MRPS9: variants seen among roughly 807,000 people sequenced by gnomAD.
MRPS9 encodes the protein small ribosomal subunit protein uS9m.
In MRPS9, 45 loss-of-function variants were observed where a neutral mutation model predicts 59.9. The observed-to-expected ratio is 0.75, with a 90% confidence interval of 0.59 to 0.96. The LOEUF (loss-of-function observed/expected upper bound fraction) is 0.96. Ranked by LOEUF, MRPS9 falls within the 40% of genes least tolerant of loss-of-function variation. MRPS9 has a pLI of 0.00. For synonymous variants in MRPS9, 171 were observed against 166.8 expected (o/e 1.03, Z -0.19); for missense variants, 473 against 481.1 (o/e 0.98, Z 0.16).
intron 1 of MRPS9, among the ~76,000 whole-genome samples, chr2:105,044,481 T>C (rs1386164395): frequency 2.6e-5 from 4 of 152,240 alleles, no homozygotes; most frequent in Admixed American, 6.5e-5. Flanking sequence ...ATATTATAAA[T>C]TTCCAGAATG....
intron 2 of MRPS9, among the ~76,000 whole-genome samples, chr2:105,057,873 G>A (rs752883482): frequency 8.5e-5 from 13 of 152,058 alleles, no homozygotes; most frequent in Non-Finnish European, 1.3e-4. Context: ...TTGCACTTGC[G>A]TTTACTAATG....
chr2:105,081,815 T>G (rs961067852), intron 5 of MRPS9, among the ~76,000 whole-genome samples: 1 of 152,242 alleles, frequency 6.6e-6, no homozygotes, highest in Non-Finnish European at 1.5e-5. Context: ...TATATTTTAG[T>G]TCAATGCAGT....
intron 2 of MRPS9, among the ~76,000 whole-genome samples, chr2:105,057,058 A>C (rs1179272063): frequency 6.6e-6 from 1 of 152,198 alleles, no homozygotes; most frequent in Non-Finnish European, 1.5e-5. Context: ...ATTATAACTA[A>C]AAAGGAATTA....
At chr2:105,045,694 A>C (rs1160819214) in intron 1 of MRPS9, among the ~76,000 whole-genome samples, 1 of 149,402 alleles carries the variant, frequency 6.7e-6, no homozygotes, top group Non-Finnish European at 1.5e-5. Context: ...TCTGGAACTA[A>C]ATAGCACATT....
At chr2:105,093,869 A>G (rs913439968) in intron 9 of MRPS9, among the ~76,000 whole-genome samples, 6 of 152,146 alleles carry the variant, frequency 3.9e-5, no homozygotes, top group African/African-American at 1.4e-4. Context: ...TCCCCTTTTC[A>G]TCAGATCCTA....
intron 1 of MRPS9, among the ~76,000 whole-genome samples, chr2:105,045,597 C>T (rs1679578061): frequency 6.6e-6 from 1 of 151,930 alleles, no homozygotes; most frequent in African/African-American, 2.4e-5. Context: ...AATATTATGA[C>T]CCAACAGAAT....
At chr2:105,062,307 A>G (rs1679921718) in intron 2 of MRPS9, among the ~76,000 whole-genome samples, 1 of 152,246 alleles carries the variant, frequency 6.6e-6, no homozygotes, top group South Asian at 2.1e-4. Context: ...AAGTTAGGCT[A>G]TCATGCTTAG....
chr2:105,087,848 C>T (rs1033343039), intron 5 of MRPS9, among the ~76,000 whole-genome samples: 2 of 145,948 alleles, frequency 1.4e-5, no homozygotes, highest in African/African-American at 2.5e-5. Context: ...TTCCTCAAAA[C>T]AGGTTGCAGA....
intron 1 of MRPS9, among the ~76,000 whole-genome samples, chr2:105,041,940 G>T (rs1385534827): frequency 6.6e-6 from 1 of 152,070 alleles, no homozygotes; most frequent in Admixed American, 6.5e-5. Context: ...TATATAATAA[G>T]AGCTTGATAA....
intron 10 of MRPS9, 105 bp from the exon 11 acceptor site, chr2:105,099,565 A>T (rs1680745696): frequency 9.8e-7 from 1 of 1,020,598 alleles, no homozygotes; most frequent in African/African-American, 1.6e-5. Flanking sequence ...GCTTTCCTCT[A>T]GTTTTTTTTC....
chr2:105,074,654 A>T (rs918960550), intron 4 of MRPS9, among the ~76,000 whole-genome samples: 17 of 152,346 alleles, frequency 1.1e-4, no homozygotes, highest in African/African-American at 4.1e-4. Context: ...CTTACCAAGG[A>T]CGTAACAGCC....
At chr2:105,062,623 A>G (rs17686299) in intron 2 of MRPS9, among the ~76,000 whole-genome samples, 33,608 of 152,240 alleles carry the variant, frequency 0.22, 3,786 homozygotes, top group Middle Eastern at 0.35. Context: ...CCTTGTAACC[A>G]TTTAATGAAG....
chr2:105,038,263 G>A (rs1310016926), intron 1 of MRPS9, 36 bp downstream of exon 1: 6 of 1,591,104 alleles, frequency 3.8e-6, no homozygotes, highest in Non-Finnish European at 3.4e-6. Context: ...GCTTACCTCT[G>A]CCGCGCGAGG....
chr2:105,094,600 T>A (rs763017032), intron 9 of MRPS9, among the ~76,000 whole-genome samples: 4 of 152,190 alleles, frequency 2.6e-5, no homozygotes, highest in Non-Finnish European at 4.4e-5. Context: ...CAATAATTAT[T>A]TTAGGAAATG....
rs182168427 is a variant in MRPS9, at chr2:105,077,615, C to T, written c.410-2368C>T. 2.2e-4 allele frequency among the ~76,000 whole-genome samples: 34 copies of T among 152,278 alleles called. 2 individuals are homozygous for T. The South Asian group carries it at 5.4e-3, about 24-fold the overall frequency. On this transcript the variant is annotated intron_variant, in intron 4 of 10. Coordinates refer to ENST00000258455, the MANE Select transcript of MRPS9 (RefSeq NM_182640.3). ...CAGAGAGTCCAGAACAATAAACTCCCGCCTTGTTCTGGCAACGGAATTTTA... is the reference window on the plus strand; with the variant it reads ...CAGAGAGTCCAGAACAATAAACTCCTGCCTTGTTCTGGCAACGGAATTTTA...
Position 105,089,923 on chromosome 2 carries a change from C to G in MRPS9, c.579C>G (p.Asp193Glu). The G allele has an allele frequency of 1.2e-6, 2 of 1,604,016 alleles. No homozygotes were observed. Among genetic ancestry groups the G allele is most frequent in the Admixed American group, 1.7e-5 (1 of 59,446 alleles). ...SLLPEKTVTR[D>E]VIGSRWLIKE... ...AATATATGTGATATTTTAACAGAGACGTGATTGGCAGCAGATGGCTGATTA... is the reference window on the plus strand; with the variant it reads ...AATATATGTGATATTTTAACAGAGAGGTGATTGGCAGCAGATGGCTGATTA... The change falls in exon 7 of 11, where the codon GAC becomes GAG. Residue 193 changes from aspartate (D) to glutamate (E), a missense_variant. Transcript: ENST00000258455.
At chr2:105,091,418 C>T (rs944057162) in intron 7 of MRPS9, 14 of 470,608 alleles carry the variant, frequency 3.0e-5, no homozygotes, top group Non-Finnish European at 5.7e-5. Flanking sequence ...GGAGCTCTGC[C>T]CACCCAATAT....
Position 105,046,294 on chromosome 2 carries a change from A to T in MRPS9, c.136-2877A>T, listed in dbSNP as rs147800642. On this transcript the variant is annotated intron_variant, in intron 1 of 10. Transcript: ENST00000258455. ...GCTCTCAGCAGACAGACCATCTTCT[A>T]TTTCATAGAGAAAATAGAGGGTGTA... Among the ~76,000 whole-genome samples, 851 of 152,046 alleles carry T rather than the reference A, an allele frequency of 5.6e-3. 11 individuals are homozygous for T. Among genetic ancestry groups the T allele is most frequent in the African/African-American group, 0.019 (799 of 41,494 alleles).
At chr2:105,097,644 G>A (rs960923542) in intron 10 of MRPS9, among the ~76,000 whole-genome samples, 1 of 152,158 alleles carries the variant, frequency 6.6e-6, no homozygotes, top group Non-Finnish European at 1.5e-5. Context: ...AAAGTGCTTA[G>A]CTTAGTTATA....
Sources: gnomAD v4.1 joint callset for allele counts (sites outside exome capture counted in the v4.1 genomes callset) on GRCh38, gnomAD v4.1.1 for gene constraint, MANE v1.5 for transcripts, NCBI Gene and HGNC (gene_info 2026-07-23, HGNC 2026-07-21) for gene names.